Variants in EYS observed in about 807,000 individuals in gnomAD.
EYS encodes the protein protein eyes shut homolog.
In EYS, 250 loss-of-function variants were observed where a neutral mutation model predicts 282.1. The observed-to-expected ratio is 0.89, with a 90% CI of 0.80 to 0.98. The LOEUF (loss-of-function observed/expected upper bound fraction) is 0.98, where lower values mean the gene tolerates loss of function less well. Among genes scored for constraint, EYS ranks in the 50% least tolerant of loss-of-function variants. The pLI, the probability that EYS is intolerant of heterozygous loss-of-function variation, is 0.00. For synonymous variants in EYS, 1,355 were observed against 1,282.9 expected, an observed-to-expected ratio of 1.06 and a Z score of -1.20; for missense variants, 4,016 against 3,709.0, an observed-to-expected ratio of 1.08 and a Z score of -2.15.
At chr6:64,516,422 T>A (rs1438849792) in intron 26 of EYS, among the ~76,000 whole-genome samples, 1 of 151,750 alleles carries the variant, frequency 6.6e-6, no homozygotes, top group Non-Finnish European at 1.5e-5. Flanking sequence ...GTGTAACAAA[T>A]CTGCACCTGT....
chr6:64,853,563 G>A (rs1333652056), intron 19 of EYS, among the ~76,000 whole-genome samples: 1 of 152,060 alleles, frequency 6.6e-6, no homozygotes, highest in Non-Finnish European at 1.5e-5. Flanking sequence ...GAAAAGGGAG[G>A]ACAATTAAGC....
At chr6:64,271,452 C>G (rs1209317655) in intron 30 of EYS, among the ~76,000 whole-genome samples, 1 of 152,048 alleles carries the variant, frequency 6.6e-6, no homozygotes, top group Non-Finnish European at 1.5e-5. Context: ...GGGAAACAGA[C>G]ATTCTCATTT....
intron 22 of EYS, among the ~76,000 whole-genome samples, chr6:64,748,235 C>A (rs1266451289): frequency 2.6e-5 from 4 of 152,206 alleles, no homozygotes; most frequent in Non-Finnish European, 5.9e-5. Context: ...AATAAACACA[C>A]ATCAACACAT....
chr6:64,488,455 G>T (rs371031034), intron 26 of EYS, among the ~76,000 whole-genome samples: 1 of 151,050 alleles, frequency 6.6e-6, no homozygotes, highest in Non-Finnish European at 1.5e-5. Context: ...GGGACACCCA[G>T]TTTACTGTGT....
At chr6:64,794,357 G>C (rs1447146263) in intron 22 of EYS, among the ~76,000 whole-genome samples, 1 of 152,084 alleles carries the variant, frequency 6.6e-6, no homozygotes, top group East Asian at 1.9e-4. Flanking sequence ...CCCAACGTTG[G>C]TGAGGGGCTT....
chr6:64,748,939 A>G (rs1350277175), intron 22 of EYS, among the ~76,000 whole-genome samples: 1 of 152,018 alleles, frequency 6.6e-6, no homozygotes, highest in African/African-American at 2.4e-5. Context: ...TGCCCAGCTA[A>G]TTTTTGTATT....
intron 11 of EYS, among the ~76,000 whole-genome samples, chr6:65,309,754 T>C (rs1229782755): frequency 1.3e-5 from 2 of 152,202 alleles, no homozygotes; most frequent in Non-Finnish European, 2.9e-5. Flanking sequence ...AAAAATTCTA[T>C]GGTTATCCTT....
rs12194571 is a variant in EYS, at chr6:64,019,045, G to A, written c.6726-19862C>T. 4.6e-3 allele frequency among the ~76,000 whole-genome samples: 700 copies of A among 152,260 alleles called. 4 individuals are homozygous for A. Among genetic ancestry groups the A allele is most frequent in the Non-Finnish European group, 8.4e-3 (568 of 68,010 alleles). The stretch of plus-strand genomic sequence containing the variant: ...CCACCTTGGCCTCCCAAAGTGCTGG[G>A]ATTACAGGTGTGAGCCACCATGCCC... On this transcript the variant is annotated intron_variant, in intron 33 of 42. Transcript: ENST00000503581.
chr6:65,427,366 T>C (rs370170588), intron 5 of EYS, among the ~76,000 whole-genome samples: 1 of 152,030 alleles, frequency 6.6e-6, no homozygotes, highest in African/African-American at 2.4e-5. Flanking sequence ...TTTCCCTCAA[T>C]GCATTTACAC....
chr6:63,767,277 G>A (rs1769813497), intron 40 of EYS, among the ~76,000 whole-genome samples: 1 of 152,182 alleles, frequency 6.6e-6, no homozygotes, highest in African/African-American at 2.4e-5. Context: ...GATAGAAAGA[G>A]AGGAATTCAA....
intron 2 of EYS, among the ~76,000 whole-genome samples, chr6:65,638,279 T>C: frequency 6.6e-6 from 1 of 152,090 alleles, no homozygotes; most frequent in East Asian, 1.9e-4. Context: ...TCAGTAAAGC[T>C]CCTCTCCACC....
chr6:64,374,099 G>A (rs1378721518), intron 29 of EYS, among the ~76,000 whole-genome samples: 1 of 150,216 alleles, frequency 6.7e-6, no homozygotes, highest in Admixed American at 6.6e-5. Flanking sequence ...GGCGGGGCAG[G>A]TAAAGTGGCT....
intron 12 of EYS, among the ~76,000 whole-genome samples, chr6:65,063,765 G>A (rs1773649535): frequency 6.6e-6 from 1 of 151,964 alleles, no homozygotes; most frequent in East Asian, 1.9e-4. Flanking sequence ...GGCACAAAGA[G>A]TTATCTAAAT....
intron 24 of EYS, among the ~76,000 whole-genome samples, chr6:64,600,319 G>A (rs1038117991): frequency 3.5e-4 from 53 of 151,822 alleles, no homozygotes; most frequent in Non-Finnish European, 5.7e-4. Flanking sequence ...AAGATACATA[G>A]GATATTTCTC....
intron 12 of EYS, among the ~76,000 whole-genome samples, chr6:65,219,706 C>G (rs1362266521): frequency 6.6e-6 from 1 of 151,962 alleles, no homozygotes; most frequent in East Asian, 1.9e-4. Context: ...ACATGCAAGA[C>G]TGGGTAATTT....
In EYS at chr6:64,450,784, A is replaced by G. The variant is rs549992097; in HGVS notation, c.5645-11432T>C. ...TGGGTACATAATGAAATGAAGGCAG[A>G]AATAAAGATGTTCTTTGAAAGCAAC... is the stretch of plus-strand genomic sequence containing the variant. On this transcript the variant is annotated intron_variant, in intron 26 of 42. Transcript: ENST00000503581. Among the ~76,000 whole-genome samples, 107 of 152,352 alleles carry G rather than the reference A, an allele frequency of 7.0e-4. 3 individuals carry two copies. In the South Asian group the frequency reaches 0.021, roughly 29 times the overall value.
At chr6:64,425,143 G>A (rs1774360202) in intron 28 of EYS, among the ~76,000 whole-genome samples, 1 of 152,176 alleles carries the variant, frequency 6.6e-6, no homozygotes, top group Admixed American at 6.5e-5. Flanking sequence ...CAGGTATTGG[G>A]TGAGGTCGAG....
intron 26 of EYS, among the ~76,000 whole-genome samples, chr6:64,537,549 A>G (rs554988282): frequency 1.5e-4 from 23 of 152,256 alleles, no homozygotes; most frequent in Admixed American, 5.2e-4. Flanking sequence ...TTTTATTCAT[A>G]TGGCTTTTCT....
intron 35 of EYS, among the ~76,000 whole-genome samples, chr6:63,952,746 C>G (rs1765653702): frequency 6.6e-6 from 1 of 152,128 alleles, no homozygotes; most frequent in South Asian, 2.1e-4. Context: ...CACATCCTCC[C>G]CTTGTATCTC....
Sources: allele counts gnomAD v4.1 joint callset (sites outside exome capture counted in the v4.1 genomes callset), GRCh38; gene constraint gnomAD v4.1.1; transcripts MANE v1.5; gene names NCBI Gene and HGNC (gene_info 2026-07-23, HGNC 2026-07-21).